Variants in ANXA4 observed in about 807,000 individuals in gnomAD.
ANXA4 encodes annexin A4.
A neutral mutation model predicts 49.8 loss-of-function variants in ANXA4; 39 were observed. The ratio of observed to expected loss-of-function variants is 0.78; its 90% CI spans 0.61 to 1.02. The LOEUF (loss-of-function observed/expected upper bound fraction) is 1.02, where lower values mean the gene tolerates loss of function less well. ANXA4 is among the 50% of genes least tolerant of loss of function. The pLI, the probability that ANXA4 is intolerant of heterozygous loss-of-function variation, is 0.00. For missense variants in ANXA4, 360 were observed against 410.1 expected, an observed-to-expected ratio of 0.88 and a Z score of 1.05; for synonymous variants, 134 against 152.5, an observed-to-expected ratio of 0.88 and a Z score of 0.89.
intron 2 of ANXA4, chr2:69,653,306 ATG>A (rs2105307409): frequency 6.6e-6 from 1 of 152,376 alleles, no homozygotes; most frequent in East Asian, 1.9e-4. Flanking sequence ...TGGAGAATAA[ATG>A]TGAAGTATGC....
chr2:69,655,573 G>T (rs1219189299), intron 2 of ANXA4, among the ~76,000 whole-genome samples: 1 of 152,178 alleles, frequency 6.6e-6, no homozygotes, highest in Non-Finnish European at 1.5e-5. Flanking sequence ...GTTTTACACT[G>T]TTGGTGGGAG....
chr2:69,656,381 A>ATATATATG (rs1676487303), intron 2 of ANXA4, among the ~76,000 whole-genome samples: 2 of 76,962 alleles, frequency 2.6e-5, no homozygotes, highest in African/African-American at 7.2e-5. Context: ...ATATATGTGT[A>ATATATATG]TATATATGTG....
intron 1 of ANXA4, among the ~76,000 whole-genome samples, chr2:69,651,528 A>C (rs1676231989): frequency 6.6e-6 from 1 of 151,948 alleles, no homozygotes; most frequent in African/African-American, 2.4e-5. Context: ...TTTGAGACAG[A>C]GTCTCGCTCT....
At chr2:69,745,946 A>G (rs1168333523) in intron 1 of ANXA4, among the ~76,000 whole-genome samples, 3 of 152,218 alleles carry the variant, frequency 2.0e-5, no homozygotes, top group Non-Finnish European at 2.9e-5. Flanking sequence ...GTCATTATGT[A>G]TAAACTCTAG....
rs972561817 is a variant in ANXA4 at position 69,693,280 on chromosome 2, A to C, written n.767-27494A>C. 3.9e-5 allele frequency among the ~76,000 whole-genome samples: 6 copies of C among 152,058 alleles called. No homozygotes were observed. The East Asian group carries it at 1.2e-3, about 29-fold the overall frequency. ...TCATCTGTGTTTAGTGAGGACTTCA[A>C]AGGGAAACTGTAAGCTCCCTGGGGA... On this transcript the variant is annotated intron_variant and non_coding_transcript_variant, in intron 2 of 3. Coordinates refer to the ANXA4 transcript ENST00000418066.
chr2:69,729,752 A>C (rs1170313637), intron 3 of ANXA4, among the ~76,000 whole-genome samples: 1 of 150,378 alleles, frequency 6.6e-6, no homozygotes. Flanking sequence ...TTACAGTGAC[A>C]TTTTCATCAT....
chr2:69,762,809 C>T (rs1671347260), intron 1 of ANXA4, among the ~76,000 whole-genome samples: 1 of 152,004 alleles, frequency 6.6e-6, no homozygotes, highest in African/African-American at 2.4e-5. Flanking sequence ...TCAGACAGAG[C>T]TGCTAGAGAG....
intron 2 of ANXA4, among the ~76,000 whole-genome samples, chr2:69,715,298 C>G (rs146776166): frequency 2.6e-5 from 4 of 152,174 alleles, no homozygotes; most frequent in South Asian, 4.1e-4. Flanking sequence ...CAACCTCCCC[C>G]TCCTGGGTTC....
At chr2:69,762,582 T>C (rs1269690861) in intron 1 of ANXA4, among the ~76,000 whole-genome samples, 1 of 152,056 alleles carries the variant, frequency 6.6e-6, no homozygotes, top group Non-Finnish European at 1.5e-5. Context: ...TGGGCAAAAA[T>C]AAATAAATAA....
upstream of ANXA4, chr2:69,643,970 G>C (rs1675886402): frequency 1.1e-6 from 1 of 932,468 alleles, no homozygotes; most frequent in African/African-American, 1.8e-5. Context: ...TATCACCCGA[G>C]CCGCAGGGCA....
At chr2:69,802,036 A>C (rs2103795048) in intron 3 of ANXA4, among the ~76,000 whole-genome samples, 1 of 152,330 alleles carries the variant, frequency 6.6e-6, no homozygotes, top group South Asian at 2.1e-4. Flanking sequence ...TGAGTCCATG[A>C]ATTTGGCTGC....
At chr2:69,794,999 C>T (rs1672881839) in intron 3 of ANXA4, among the ~76,000 whole-genome samples, 1 of 152,140 alleles carries the variant, frequency 6.6e-6, no homozygotes, top group African/African-American at 2.4e-5. Flanking sequence ...TGCTCTGGTC[C>T]CTTCTGATAA....
chr2:69,810,767 T>C, intron 7 of ANXA4, 94 bp downstream of exon 7: 2 of 962,216 alleles, frequency 2.1e-6, no homozygotes, highest in South Asian at 1.3e-5. Context: ...CCCTGACATG[T>C]GGATATTCCC....
At chr2:69,648,820 C>CA (rs372749631) in intron 1 of ANXA4, among the ~76,000 whole-genome samples, 1,476 of 44,302 alleles carry the variant, frequency 0.033, 108 homozygotes, top group African/African-American at 0.088. Context: ...GACTCAGTCT[C>CA]AAAAAAAAAA....
At position 69,825,580 on chromosome 2, in the gene ANXA4, A is replaced by G. The variant is rs1674439432; in HGVS notation, c.*65A>G. 5 of 1,220,446 alleles carry G rather than the reference A, an allele frequency of 4.1e-6. No individual in the cohort carries two copies. In the Admixed American group the frequency reaches 1.0e-4, roughly 25 times the overall value. The allele number at this position is 1,220,446 out of a possible 1,614,324, so 75.6% of individuals were successfully genotyped here. A position where few individuals can be genotyped will look rare whatever the true frequency, so the allele number is the denominator to read the frequency against. On this transcript the variant is annotated 3_prime_UTR_variant, in exon 13 of 13. Coordinates refer to ENST00000394295, the MANE Select transcript of ANXA4 (RefSeq NM_001153.5). ...TGAATTTTTTTAACTTCATTTTTCTACACTGCTATTATCATTATCTCAGAA... is the reference window on the plus strand; with the variant it reads ...TGAATTTTTTTAACTTCATTTTTCTGCACTGCTATTATCATTATCTCAGAA...
chr2:69,773,594 CTTTCTTTTCT>C (rs1164026457), intron 1 of ANXA4, among the ~76,000 whole-genome samples: 17 of 144,350 alleles, frequency 1.2e-4, no homozygotes, highest in African/African-American at 4.1e-4. Flanking sequence ...TTTTATTCTC[CTTTCTTTTCT>C]TTTCTTTTCT....
intron 3 of ANXA4, among the ~76,000 whole-genome samples, chr2:69,800,798 A>G (rs1185913028): frequency 3.9e-5 from 6 of 152,184 alleles, no homozygotes; most frequent in African/African-American, 1.4e-4. Context: ...GTCTGGGGTG[A>G]CACCCATGGT....
At chr2:69,794,558 T>TTATGTTATGTTATGTTA (rs1395826974) in intron 3 of ANXA4, among the ~76,000 whole-genome samples, 1 of 138,680 alleles carries the variant, frequency 7.2e-6, no homozygotes, top group African/African-American at 2.5e-5. Context: ...TTATGTTATG[T>TTATGTTATGTTATGTTA]TATGTTATGT....
intron 3 of ANXA4, among the ~76,000 whole-genome samples, chr2:69,790,099 C>T (rs973282655): frequency 6.6e-6 from 1 of 151,248 alleles, no homozygotes; most frequent in Non-Finnish European, 1.5e-5. Flanking sequence ...AAGAGAAGTG[C>T]TTTTTTTTTG....
Sources: allele counts gnomAD v4.1 joint callset (sites outside exome capture counted in the v4.1 genomes callset), GRCh38; gene constraint gnomAD v4.1.1; transcripts MANE v1.5; gene names NCBI Gene and HGNC (gene_info 2026-07-23, HGNC 2026-07-21).